The following STIM1 variants were observed in gnomAD, a reference collection of about 807,000 sequenced individuals.
STIM1 encodes stromal interaction molecule 1.
STIM1 carries 25 observed loss-of-function variants against 74.7 expected under a neutral mutation model. The observed-to-expected ratio is 0.33, with a 90% CI of 0.24 to 0.47. The LOEUF (loss-of-function observed/expected upper bound fraction) is 0.47, where lower values mean the gene tolerates loss of function less well. Among genes scored for constraint, STIM1 ranks in the 20% least tolerant of loss-of-function variants. STIM1 has a pLI of 1.00. For synonymous variants in STIM1, 328 were observed against 348.8 expected, an observed-to-expected ratio of 0.94 and a Z score of 0.66; for missense variants, 728 against 920.8, an observed-to-expected ratio of 0.79 and a Z score of 2.71.
rs1229330873 is a variant in STIM1 at position 4,082,878 on chromosome 11, G to T, written c.1138-4G>T. 1 of 1,613,600 alleles carries T rather than the reference G, an allele frequency of 6.2e-7. No individual in the cohort carries two copies. Among genetic ancestry groups the T allele is most frequent in the South Asian group, 1.1e-5 (1 of 91,060 alleles). Reference sequence around the variant, plus strand: ...TTTTTGAGCTGGGGGCCTCATCTTTGCAGGCTGAGAAGATAAAAAAGAAGA... The same window carrying T: ...TTTTTGAGCTGGGGGCCTCATCTTTTCAGGCTGAGAAGATAAAAAAGAAGA... On this transcript the variant is annotated splice_polypyrimidine_tract_variant and splice_region_variant and intron_variant, in intron 8 of 12. Transcript: ENST00000526596.
chr11:3,935,479 C>G (rs998267281), intron 1 of STIM1, among the ~76,000 whole-genome samples: 11 of 152,198 alleles, frequency 7.2e-5, no homozygotes, highest in African/African-American at 2.7e-4. Flanking sequence ...CTGTCACCTT[C>G]CTAGTTTCTG....
intron 5 of STIM1, 87 bp from the exon 6 acceptor site, chr11:4,069,939 G>T: frequency 1.4e-6 from 2 of 1,438,190 alleles, no homozygotes; most frequent in African/African-American, 2.8e-5. Flanking sequence ...GTTATGGAAG[G>T]CTTCATAGAG....
rs190160533 is a variant in STIM1 at position 4,038,287 on chromosome 11, G to A, written c.385+14300G>A. ...TGACTTCAGGTGATCCGCCTACCTC[G>A]GCTTCCCAAAGTACTGGTGTTACAG... On this transcript the variant is annotated intron_variant, in intron 3 of 12. Coordinates refer to ENST00000526596, the MANE Select transcript of STIM1 (RefSeq NM_001382567.1). Among the ~76,000 whole-genome samples the A allele has an allele frequency of 3.9e-5, 6 of 152,042 alleles. No individual in the cohort carries two copies. The South Asian group carries it at 6.2e-4, about 16-fold the overall frequency.
At chr11:3,920,783 T>C (rs1387109901) in intron 1 of STIM1, among the ~76,000 whole-genome samples, 1 of 149,482 alleles carries the variant, frequency 6.7e-6, no homozygotes, top group Admixed American at 6.7e-5. Flanking sequence ...TGAAGTATCT[T>C]TTTTTTTTTA....
At chr11:4,010,053 T>A (rs1271623061) in intron 2 of STIM1, among the ~76,000 whole-genome samples, 15 of 152,078 alleles carry the variant, frequency 9.9e-5, no homozygotes, top group Admixed American at 9.8e-4. Flanking sequence ...GCTCAAGCAA[T>A]CTCCTTCCAC....
In STIM1 at chr11:3,873,433, A is replaced by AAT. The variant is rs1207507136; in HGVS notation, c.139+17025_139+17026insTA. ...AGCTCCATTTCAAAAAAAAAAAAAA[A>AAT]AAAATTAAAAACTTTTTTTTTTTTG... On this transcript the variant is annotated intron_variant, in intron 1 of 12. Coordinates refer to ENST00000526596, the MANE Select transcript of STIM1 (RefSeq NM_001382567.1). Among the ~76,000 whole-genome samples the AAT allele has an allele frequency of 1.3e-3, 197 of 151,856 alleles. 3 individuals are homozygous for AAT. The highest frequency in any genetic ancestry group is 4.6e-3 in the African/African-American group (192 of 41,360).
chr11:4,083,118 T>G, intron 9 of STIM1, 136 bp downstream of exon 9: 2 of 1,179,172 alleles, frequency 1.7e-6, no homozygotes, highest in Non-Finnish European at 1.3e-6. Flanking sequence ...AGCCTTTATT[T>G]ATCTCCTGCC....
intron 1 of STIM1, among the ~76,000 whole-genome samples, chr11:3,939,501 A>G (rs930336286): frequency 1.3e-5 from 2 of 152,186 alleles, no homozygotes; most frequent in African/African-American, 4.8e-5. Flanking sequence ...TTTTAAATGT[A>G]TGTTTTACCA....
At chr11:3,965,751 A>G (rs575812469) in intron 1 of STIM1, among the ~76,000 whole-genome samples, 54 of 152,366 alleles carry the variant, frequency 3.5e-4, no homozygotes, top group African/African-American at 1.3e-3. Flanking sequence ...CATGCCTGTA[A>G]TCCCAGCACT....
At chr11:3,984,492 C>T (rs999292987) in intron 2 of STIM1, among the ~76,000 whole-genome samples, 2 of 152,168 alleles carry the variant, frequency 1.3e-5, no homozygotes, top group South Asian at 2.1e-4. Context: ...AAGAAATGTC[C>T]TGTTCCCATT....
Position 3,932,683 on chromosome 11 carries a change from A to G in STIM1, c.140-34869A>G, listed in dbSNP as rs1039235547. Among the ~76,000 whole-genome samples, 171 of 151,196 alleles carry G rather than the reference A, an allele frequency of 1.1e-3. 1 individual carries two copies. The highest frequency in any genetic ancestry group is 4.0e-3 in the African/African-American group (166 of 41,306). On this transcript the variant is annotated intron_variant, in intron 1 of 12. Transcript: ENST00000526596. Reference sequence around the variant, plus strand: ...TCTCAAAGGAAAAAAAAAAAAAAAAAAAAGAAAAGAAAAGAGACCCTAGAG... The same window carrying G: ...TCTCAAAGGAAAAAAAAAAAAAAAAGAAAGAAAAGAAAAGAGACCCTAGAG...
intron 2 of STIM1, among the ~76,000 whole-genome samples, chr11:4,007,074 C>T (rs2093789395): frequency 6.6e-6 from 1 of 152,166 alleles, no homozygotes. Flanking sequence ...TACTTCACTA[C>T]TGCTTGACAC....
chr11:3,856,286 C>T lies in STIM1; in HGVS notation c.16C>T (p.Arg6Cys). Reference protein sequence around the residue: MDVCVRLALWLLWGLL... With the variant: MDVCVCLALWLLWGLL... ...ACCTAGAGTCATGGATGTATGCGTCCGTCTTGCCCTGTGGCTCCTCTGGGG... is the reference window on the plus strand; with the variant it reads ...ACCTAGAGTCATGGATGTATGCGTCTGTCTTGCCCTGTGGCTCCTCTGGGG... Residue 6 changes from arginine to cysteine, a missense_variant, in exon 1 of 13, where the codon CGT (arginine) becomes TGT (cysteine). Physicochemically the swap from Arg to Cys is radical, Grantham distance 180. Around this residue, in one of 5 missense-constraint regions of STIM1, gnomAD observed 62 missense variants for 55.5 expected, o/e 1.12. Transcript: ENST00000526596. 2 of 1,614,156 alleles carry T rather than the reference C, an allele frequency of 1.2e-6. No individual in the cohort carries two copies. The highest frequency in any genetic ancestry group is 1.1e-5 in the South Asian group (1 of 91,088).
At chr11:4,038,270 G>A (rs1029011776) in intron 3 of STIM1, among the ~76,000 whole-genome samples, 2 of 152,056 alleles carry the variant, frequency 1.3e-5, no homozygotes, top group Non-Finnish European at 2.9e-5. Flanking sequence ...CCTGACTTCA[G>A]GTGATCCGCC....
chr11:4,071,147 G>A (rs1228083030), intron 6 of STIM1, among the ~76,000 whole-genome samples: 4 of 152,196 alleles, frequency 2.6e-5, no homozygotes, highest in Non-Finnish European at 5.9e-5. Context: ...TAAGATGCAT[G>A]TGGGGAAGTT....
chr11:3,899,681 GA>G (rs2092293947), intron 1 of STIM1, among the ~76,000 whole-genome samples: 1 of 151,222 alleles, frequency 6.6e-6, no homozygotes, highest in African/African-American at 2.5e-5. Context: ...ATTATTTTGA[GA>G]TACATCCCAT....
chr11:3,892,446 T>C, intron 1 of STIM1: 2 of 1,487,330 alleles, frequency 1.3e-6, no homozygotes, highest in Non-Finnish European at 1.9e-6. Flanking sequence ...TTGCCATTCC[T>C]GGACCCAAAG....
intron 1 of STIM1, among the ~76,000 whole-genome samples, chr11:3,941,696 A>AGAGAGAGAGAGAGAGAGAGAGAGT (rs1214690521): frequency 7.1e-6 from 1 of 141,806 alleles, no homozygotes; most frequent in African/African-American, 2.7e-5. Context: ...AGAGAGAGAG[A>AGAGAGAGAGAGAGAGAGAGAGAGT]GTGTGTGTGT....
At chr11:3,934,204 A>G (rs1477055355) in intron 1 of STIM1, among the ~76,000 whole-genome samples, 7 of 148,896 alleles carry the variant, frequency 4.7e-5, no homozygotes, top group South Asian at 2.2e-4. Flanking sequence ...TGTGTCTTCA[A>G]TAGCTTTTCA....
Sources: allele counts gnomAD v4.1 joint callset (sites outside exome capture counted in the v4.1 genomes callset), GRCh38; gene constraint gnomAD v4.1.1; regional missense constraint gnomAD v4.1.1; transcripts MANE v1.5; gene names NCBI Gene and HGNC (gene_info 2026-07-23, HGNC 2026-07-21).